COPG2: variants seen among roughly 807,000 people sequenced by gnomAD.
COPG2 encodes coatomer subunit gamma-2.
Under a neutral mutation model 46.3 loss-of-function variants are expected in COPG2, and 37 were observed. The ratio of observed to expected loss-of-function variants is 0.80; its 90% CI spans 0.61 to 1.05. The LOEUF (loss-of-function observed/expected upper bound fraction) is 1.05, where lower values mean the gene tolerates loss of function less well. Among genes scored for constraint, COPG2 ranks in the 50% least tolerant of loss-of-function variants. The probability of loss-of-function intolerance (pLI) is 0.00; values close to 1 mark genes in which losing one functional copy is unlikely to be tolerated. For missense variants in COPG2, 427 were observed against 387.8 expected, an observed-to-expected ratio of 1.10 and a Z score of -0.85; for synonymous variants, 159 against 129.7, an observed-to-expected ratio of 1.23 and a Z score of -1.53.
At chr7:130,577,322 G>C (rs941168435) in intron 9 of COPG2, among the ~76,000 whole-genome samples, 1 of 152,218 alleles carries the variant, frequency 6.6e-6, no homozygotes, top group African/African-American at 2.4e-5. Flanking sequence ...CGCACCGTGC[G>C]CAAGCCGAAC....
At chr7:130,600,121 G>A (rs2116479089) in intron 9 of COPG2, among the ~76,000 whole-genome samples, 1 of 152,204 alleles carries the variant, frequency 6.6e-6, no homozygotes, top group Non-Finnish European at 1.5e-5. Context: ...AGATCAAGAG[G>A]ACTTAGTTTC....
intron 20 of COPG2, among the ~76,000 whole-genome samples, chr7:130,530,427 C>T (rs1799812926): frequency 6.6e-6 from 1 of 152,158 alleles, no homozygotes. Context: ...AAGGAAAAGG[C>T]AGCCTAAGGG....
chr7:130,611,251 G>A, intron 8 of COPG2, 141 bp from the exon 9 acceptor site: 1 of 744,028 alleles, frequency 1.3e-6, no homozygotes, highest in Admixed American at 2.9e-5. Flanking sequence ...TTTTCACACT[G>A]AACTAAACAC....
intron 20 of COPG2, among the ~76,000 whole-genome samples, chr7:130,544,963 A>C (rs1793414428): frequency 6.6e-6 from 1 of 152,146 alleles, no homozygotes; most frequent in Non-Finnish European, 1.5e-5. Flanking sequence ...ATACATTTAT[A>C]AAGTAAAGGG....
chr7:130,616,117 G>A (rs1422830149), intron 6 of COPG2, among the ~76,000 whole-genome samples: 1 of 152,160 alleles, frequency 6.6e-6, no homozygotes, highest in Non-Finnish European at 1.5e-5. Flanking sequence ...AAAGATGCCA[G>A]GCTGAGAAGT....
chr7:130,572,448 G>A (rs1358870528), intron 9 of COPG2, among the ~76,000 whole-genome samples: 1 of 151,894 alleles, frequency 6.6e-6, no homozygotes, highest in African/African-American at 2.4e-5. Flanking sequence ...TTCCAAGAAC[G>A]AATTAAATAC....
chr7:130,646,999 G>GTGTA (rs1563070248), intron 5 of COPG2, among the ~76,000 whole-genome samples: 4 of 38,204 alleles, frequency 1.0e-4, no homozygotes, highest in Non-Finnish European at 3.2e-4. Flanking sequence ...ATATATATGT[G>GTGTA]TATATATATA....
chr7:130,577,570 G>A (rs1324333720), intron 9 of COPG2, among the ~76,000 whole-genome samples: 1 of 151,622 alleles, frequency 6.6e-6, no homozygotes, highest in Non-Finnish European at 1.5e-5. Context: ...GACCATCCTG[G>A]CTAACAAGGT....
intron 5 of COPG2, among the ~76,000 whole-genome samples, chr7:130,645,792 G>A (rs1795584326): frequency 6.6e-6 from 1 of 152,068 alleles, no homozygotes; most frequent in African/African-American, 2.4e-5. Context: ...GCTTTCCCAA[G>A]TGTTTTTCTA....
chr7:130,579,798 T>C (rs1332864678), intron 9 of COPG2, among the ~76,000 whole-genome samples: 1 of 152,092 alleles, frequency 6.6e-6, no homozygotes, highest in Admixed American at 6.6e-5. Flanking sequence ...GAGCTAACTA[T>C]CCTAAATATA....
chr7:130,545,101 G>GAGGA (rs1793417105), intron 20 of COPG2, among the ~76,000 whole-genome samples: 1 of 152,140 alleles, frequency 6.6e-6, no homozygotes, highest in Admixed American at 6.5e-5. Flanking sequence ...AAGGAAGAAA[G>GAGGA]TGGATAATTC....
intron 5 of COPG2, among the ~76,000 whole-genome samples, chr7:130,645,068 C>CAAAAAA (rs59544911): frequency 6.2e-5 from 7 of 113,420 alleles, no homozygotes; most frequent in African/African-American, 6.1e-5. Context: ...ATCCCAAAAA[C>CAAAAAA]AAAAAAAAAA....
chr7:130,619,870 T>C (rs1554453367), intron 5 of COPG2, among the ~76,000 whole-genome samples: 1 of 152,202 alleles, frequency 6.6e-6, no homozygotes, highest in African/African-American at 2.4e-5. Context: ...ACTGTCCCCA[T>C]TCTTTTCTGA....
At chr7:130,509,749 CTGTG>C (rs781893641) in intron 20 of COPG2, 23 of 515,920 alleles carry the variant, frequency 4.5e-5, no homozygotes, top group Non-Finnish European at 7.7e-5. Context: ...AGTGTGTGGG[CTGTG>C]TGTGTGTGTG....
chr7:130,641,175 CAAA>C lies in COPG2; in HGVS notation c.323+11691_323+11693del, dbSNP rs34617870. ...ATCAACATAGCAAGACCCTACCTCT[CAAA>C]AAAAAAAAAAAAAAAAAGAGAACAA... On this transcript the variant is annotated intron_variant, in intron 5 of 23. Coordinates refer to ENST00000425248, the MANE Select transcript of COPG2 (RefSeq NM_012133.6). 5.7e-5 allele frequency among the ~76,000 whole-genome samples: 5 copies of C among 87,926 alleles called. 1 individual carries two copies. In the South Asian group the frequency reaches 1.6e-3, roughly 28 times the overall value. The allele number at this position is 87,926 out of a possible 152,430, so 57.7% of individuals were successfully genotyped here. A position where few individuals can be genotyped will look rare whatever the true frequency, so the allele number is the denominator to read the frequency against.
intron 9 of COPG2, among the ~76,000 whole-genome samples, chr7:130,595,715 A>G (rs1172193436): frequency 1.3e-5 from 2 of 151,990 alleles, no homozygotes; most frequent in Non-Finnish European, 2.9e-5. Flanking sequence ...TACTTTCACT[A>G]TTTTCTGACT....
chr7:130,524,689 A>T (rs1053879439), intron 20 of COPG2, among the ~76,000 whole-genome samples: 1 of 152,168 alleles, frequency 6.6e-6, no homozygotes, highest in Non-Finnish European at 1.5e-5. Context: ...TTCATGGATG[A>T]CAAAGCATAG....
intron 20 of COPG2, among the ~76,000 whole-genome samples, chr7:130,539,529 T>C (rs1340289500): frequency 1.3e-5 from 2 of 152,222 alleles, no homozygotes; most frequent in Non-Finnish European, 1.5e-5. Context: ...AGCACATCCC[T>C]ATGGAGAAGA....
chr7:130,625,696 T>C (rs772419622), intron 5 of COPG2, among the ~76,000 whole-genome samples: 82 of 151,976 alleles, frequency 5.4e-4, no homozygotes, highest in Non-Finnish European at 9.1e-4. Flanking sequence ...CAACTTAGCT[T>C]ACGGGTTTAT....
Sources: allele counts gnomAD v4.1 joint callset (sites outside exome capture counted in the v4.1 genomes callset), GRCh38; gene constraint gnomAD v4.1.1; transcripts MANE v1.5; gene names NCBI Gene and HGNC (gene_info 2026-07-23, HGNC 2026-07-21).